PPM1B: variants seen among roughly 807,000 people sequenced by gnomAD.
PPM1B encodes protein phosphatase 1B.
In PPM1B, 22 loss-of-function variants were observed where a neutral mutation model predicts 43.0. The ratio of observed to expected loss-of-function variants is 0.51; its 90% CI spans 0.37 to 0.73. The LOEUF is 0.73. Ranked by LOEUF, PPM1B falls within the 30% of genes least tolerant of loss-of-function variation. PPM1B has a pLI of 0.00. For missense variants in PPM1B, 632 were observed against 584.2 expected, an observed-to-expected ratio of 1.08 and a Z score of -0.84; for synonymous variants, 217 against 197.9, an observed-to-expected ratio of 1.10 and a Z score of -0.81.
At chr2:44,182,185 C>T (rs1055975934) in intron 1 of PPM1B, among the ~76,000 whole-genome samples, 4 of 152,098 alleles carry the variant, frequency 2.6e-5, no homozygotes, top group East Asian at 1.9e-4. Flanking sequence ...TATGTTATAT[C>T]GTGAGAAACA....
At position 44,209,339 on chromosome 2, in the gene PPM1B, G is replaced by T; in HGVS notation, c.964+12G>T. On this transcript the variant is annotated intron_variant, in intron 3 of 5. Coordinates refer to ENST00000282412, the MANE Select transcript of PPM1B (RefSeq NM_002706.6). ...ATCACGGGTTGAAGGTAAGACAAATGCTTTTTAAAAATATAGACAGGCCAG... is the reference window on the plus strand; with the variant it reads ...ATCACGGGTTGAAGGTAAGACAAATTCTTTTTAAAAATATAGACAGGCCAG... 1 of 1,613,198 alleles carries T rather than the reference G, an allele frequency of 6.2e-7. No homozygotes were observed. The highest frequency in any genetic ancestry group is 8.5e-7 in the Non-Finnish European group (1 of 1,179,698).
At chr2:44,234,148 C>G (rs1670545187), downstream of PPM1B, 1 of 973,672 alleles carries the variant, frequency 1.0e-6, no homozygotes, top group Non-Finnish European at 1.2e-6. Context: ...AAATTTAATT[C>G]CAAAGAGGAA....
At chr2:44,238,802 T>G (rs1014532432), downstream of PPM1B, among the ~76,000 whole-genome samples, 7 of 152,114 alleles carry the variant, frequency 4.6e-5, no homozygotes, top group Non-Finnish European at 5.9e-5. Context: ...AAATGCGAAG[T>G]CTTCATGAAA....
chr2:44,172,748 A>G (rs367719072), intron 1 of PPM1B, among the ~76,000 whole-genome samples: 15 of 152,220 alleles, frequency 9.9e-5, no homozygotes, highest in African/African-American at 3.6e-4. Flanking sequence ...TGTCTCTACA[A>G]AAAATAAAGT....
At chr2:44,184,946 A>C (rs1199880665) in intron 1 of PPM1B, among the ~76,000 whole-genome samples, 2 of 149,658 alleles carry the variant, frequency 1.3e-5, no homozygotes, top group Non-Finnish European at 3.0e-5. Context: ...ACTACTTCAG[A>C]ATTATGACAC....
chr2:44,215,596 G>A (rs981782146), intron 3 of PPM1B, among the ~76,000 whole-genome samples: 12 of 152,132 alleles, frequency 7.9e-5, no homozygotes, highest in African/African-American at 2.2e-4. Context: ...GTAAATCTGT[G>A]TGTATGCTTT....
intron 5 of PPM1B, among the ~76,000 whole-genome samples, chr2:44,222,131 C>T (rs1485004011): frequency 2.6e-5 from 4 of 152,062 alleles, no homozygotes; most frequent in Admixed American, 2.6e-4. Flanking sequence ...GCTCTGGGAT[C>T]ATACTCCTTC....
intron 5 of PPM1B, among the ~76,000 whole-genome samples, chr2:44,223,756 C>T (rs867671141): frequency 4.8e-5 from 6 of 124,566 alleles, no homozygotes; most frequent in African/African-American, 1.5e-4. Flanking sequence ...GTGGAGCTTG[C>T]GGTGAGCCAA....
intron 5 of PPM1B, 126 bp from the exon 6 acceptor site, chr2:44,230,287 A>G (rs983961598): frequency 6.0e-5 from 90 of 1,493,752 alleles, no homozygotes; most frequent in Non-Finnish European, 5.0e-5. Context: ...ATTTAATAAA[A>G]TGTTCTCATG....
At chr2:44,173,545 A>G (rs924741262) in intron 1 of PPM1B, among the ~76,000 whole-genome samples, 30 of 152,264 alleles carry the variant, frequency 2.0e-4, no homozygotes, top group African/African-American at 7.0e-4. Context: ...GTAAACCATG[A>G]CACAGAAGAG....
chr2:44,211,565 G>C (rs1427777457), intron 3 of PPM1B, among the ~76,000 whole-genome samples: 4 of 143,154 alleles, frequency 2.8e-5, no homozygotes, highest in Admixed American at 7.5e-5. Flanking sequence ...TAATAATTAT[G>C]TTATACCTAA....
chr2:44,209,092 T>G, intron 2 of PPM1B, 118 bp from the exon 3 acceptor site: 1 of 884,454 alleles, frequency 1.1e-6, no homozygotes, highest in Non-Finnish European at 1.6e-6. Flanking sequence ...AAAATGAATG[T>G]GTTAAACATA....
downstream of PPM1B, among the ~76,000 whole-genome samples, chr2:44,237,152 A>G (rs1214102835): frequency 1.3e-5 from 2 of 152,262 alleles, no homozygotes; most frequent in East Asian, 1.9e-4. Context: ...AATGGGCATT[A>G]TAACAATTTG....
At chr2:44,190,737 A>G (rs1005851960) in intron 1 of PPM1B, among the ~76,000 whole-genome samples, 6 of 152,170 alleles carry the variant, frequency 3.9e-5, no homozygotes, top group African/African-American at 1.4e-4. Context: ...ATGTGTTTAC[A>G]TTGCATTTTC....
chr2:44,187,960 C>T (rs1270617295), intron 1 of PPM1B, among the ~76,000 whole-genome samples: 1 of 152,116 alleles, frequency 6.6e-6, no homozygotes, highest in Admixed American at 6.6e-5. Context: ...CCATGTTAGC[C>T]AGGATGGTCT....
chr2:44,194,331 G>C (rs904853472), intron 1 of PPM1B, among the ~76,000 whole-genome samples: 1 of 152,174 alleles, frequency 6.6e-6, no homozygotes, highest in Non-Finnish European at 1.5e-5. Context: ...CTGTGTGTAA[G>C]TAATCTGTGG....
intron 1 of PPM1B, among the ~76,000 whole-genome samples, chr2:44,198,762 G>A (rs905044693): frequency 6.6e-6 from 1 of 152,180 alleles, no homozygotes; most frequent in Non-Finnish European, 1.5e-5. Flanking sequence ...AGACCTATGT[G>A]CAGTCTGCCC....
Position 44,202,018 on chromosome 2 carries a change from TTGG to T in PPM1B, c.820_822del (p.Trp274del). On this transcript the variant is annotated inframe_deletion, in exon 2 of 6. Transcript: ENST00000282412. ...CTGATGACCTGGAAAATGTGTGCAA[TTGG>T]GTAGTGGACACTTGTTTACACAAGG... 6.2e-7 allele frequency: 1 copy of T among 1,603,124 alleles called. No homozygotes were observed. The highest frequency in any genetic ancestry group is 8.5e-7 in the Non-Finnish European group (1 of 1,174,440).
chr2:44,244,555 C>A, downstream of PPM1B: 2 of 233,204 alleles, frequency 8.6e-6, no homozygotes, highest in Non-Finnish European at 1.4e-5. Flanking sequence ...TAAAGGCAGG[C>A]TTTAATCTGG....
Sources: allele counts gnomAD v4.1 joint callset (sites outside exome capture counted in the v4.1 genomes callset), GRCh38; gene constraint gnomAD v4.1.1; transcripts MANE v1.5; gene names NCBI Gene and HGNC (gene_info 2026-07-23, HGNC 2026-07-21).